The following NLGN1 variants were observed in gnomAD, a reference collection of about 807,000 sequenced individuals.
NLGN1 encodes the protein neuroligin 1, also known as neuroligin-1.
Under a neutral mutation model 65.5 loss-of-function variants are expected in NLGN1, and 12 were observed. That is an observed-to-expected ratio of 0.18 (90% CI 0.12 to 0.30). The LOEUF is 0.30. Ranked by LOEUF, NLGN1 falls within the 10% of genes least tolerant of loss-of-function variation. The pLI is 1.00. For synonymous variants in NLGN1, 350 were observed against 359.5 expected, an observed-to-expected ratio of 0.97 and a Z score of 0.30; for missense variants, 750 against 1,007.1, an observed-to-expected ratio of 0.74 and a Z score of 3.46.
At chr3:173,647,540 G>A (rs1188471475) in intron 3 of NLGN1, among the ~76,000 whole-genome samples, 1 of 152,010 alleles carries the variant, frequency 6.6e-6, no homozygotes, top group Non-Finnish European at 1.5e-5. Context: ...ATAAAAGAAA[G>A]TCTCTGGAAA....
intron 4 of NLGN1, among the ~76,000 whole-genome samples, chr3:173,929,687 T>A (rs1204837389): frequency 6.7e-6 from 1 of 150,300 alleles, no homozygotes; most frequent in African/African-American, 2.4e-5. Context: ...CTTTTTTTTT[T>A]CTTTTTTTCT....
intron 4 of NLGN1, among the ~76,000 whole-genome samples, chr3:174,031,562 A>G (rs1481309812): frequency 6.6e-6 from 1 of 152,168 alleles, no homozygotes; most frequent in Non-Finnish European, 1.5e-5. Context: ...AAAAGATTAT[A>G]ATGGCTCCAA....
intron 4 of NLGN1, among the ~76,000 whole-genome samples, chr3:173,855,030 A>G (rs551308465): frequency 2.0e-5 from 3 of 152,216 alleles, no homozygotes; most frequent in African/African-American, 7.2e-5. Context: ...TTAATGTACC[A>G]TGCCACATTT....
chr3:173,611,219 A>G (rs935314852), intron 3 of NLGN1, among the ~76,000 whole-genome samples: 5 of 152,176 alleles, frequency 3.3e-5, no homozygotes, highest in Non-Finnish European at 7.4e-5. Context: ...CCTATGGTCT[A>G]GACATCATGG....
At chr3:174,291,204 G>A (rs1157394096), downstream of NLGN1, among the ~76,000 whole-genome samples, 1 of 149,256 alleles carries the variant, frequency 6.7e-6, no homozygotes, top group Non-Finnish European at 1.5e-5. Flanking sequence ...GAGGAAGGGA[G>A]AAATAAGAAA....
intron 2 of NLGN1, among the ~76,000 whole-genome samples, chr3:173,515,572 T>C (rs1193849080): frequency 2.6e-5 from 4 of 152,110 alleles, no homozygotes; most frequent in African/African-American, 9.7e-5. Context: ...AAAACCAACG[T>C]CATGAAGTTT....
intron 4 of NLGN1, among the ~76,000 whole-genome samples, chr3:173,900,707 GT>G (rs774706873): frequency 6.6e-6 from 1 of 151,938 alleles, no homozygotes; most frequent in Non-Finnish European, 1.5e-5. Flanking sequence ...GGGGAAGACG[GT>G]CATGCAAAGT....
chr3:173,465,692 T>C (rs1162474983), intron 2 of NLGN1, among the ~76,000 whole-genome samples: 1 of 152,206 alleles, frequency 6.6e-6, no homozygotes, highest in Non-Finnish European at 1.5e-5. Flanking sequence ...AAAAGATGAC[T>C]GTTAAACTTT....
chr3:173,701,505 C>T (rs1010950454), intron 3 of NLGN1, among the ~76,000 whole-genome samples: 3 of 152,124 alleles, frequency 2.0e-5, no homozygotes, highest in Admixed American at 6.5e-5. Flanking sequence ...TAATGTAGCC[C>T]TGCAATACTT....
At chr3:173,579,710 C>T (rs890004284) in intron 2 of NLGN1, among the ~76,000 whole-genome samples, 2 of 152,210 alleles carry the variant, frequency 1.3e-5, no homozygotes, top group African/African-American at 4.8e-5. Context: ...GAAAGAACCT[C>T]TTTGTAAACA....
At chr3:173,997,948 A>T (rs751263550) in intron 4 of NLGN1, among the ~76,000 whole-genome samples, 1 of 152,096 alleles carries the variant, frequency 6.6e-6, no homozygotes, top group Non-Finnish European at 1.5e-5. Context: ...TTCAACAAGC[A>T]TTTGAGCAAG....
intron 4 of NLGN1, among the ~76,000 whole-genome samples, chr3:173,887,212 T>C (rs1191014261): frequency 1.3e-5 from 2 of 152,058 alleles, no homozygotes; most frequent in Non-Finnish European, 2.9e-5. Flanking sequence ...TCTACCTTTC[T>C]TATTTTCAGG....
At chr3:173,867,962 C>T (rs1730506479) in intron 4 of NLGN1, among the ~76,000 whole-genome samples, 1 of 152,080 alleles carries the variant, frequency 6.6e-6, no homozygotes, top group South Asian at 2.1e-4. Context: ...TGGCTTATTG[C>T]CTTTAAAATA....
Position 173,951,738 on chromosome 3 carries a change from G to T in NLGN1, c.646+143906G>T, listed in dbSNP as rs144496403. Among the ~76,000 whole-genome samples the T allele has an allele frequency of 3.2e-3, 485 of 152,174 alleles. 1 individual carries two copies. The highest frequency in any genetic ancestry group is 0.011 in the African/African-American group (456 of 41,532). Reference sequence around the variant, plus strand: ...GACCTCCCAAAGTGCTGGGATTACAGCCATGAGCCACTGCGCCAGGCCGAG... The same window carrying T: ...GACCTCCCAAAGTGCTGGGATTACATCCATGAGCCACTGCGCCAGGCCGAG... On this transcript the variant is annotated intron_variant, in intron 4 of 6. Coordinates refer to ENST00000457714, the Ensembl canonical transcript of NLGN1.
At chr3:174,080,732 G>T (rs1741985866) in intron 4 of NLGN1, among the ~76,000 whole-genome samples, 1 of 151,874 alleles carries the variant, frequency 6.6e-6, no homozygotes, top group South Asian at 2.1e-4. Context: ...ATCTTATCAG[G>T]AGGCTGCTGA....
the NLGN1 span, among the ~76,000 whole-genome samples, chr3:174,292,184 A>G: frequency 6.6e-6 from 1 of 151,320 alleles, no homozygotes; most frequent in Non-Finnish European, 1.5e-5. Context: ...AACTATCAGA[A>G]TGAACACTTT....
chr3:173,713,345 A>G (rs1769307711), intron 3 of NLGN1, among the ~76,000 whole-genome samples: 1 of 152,148 alleles, frequency 6.6e-6, no homozygotes, highest in Non-Finnish European at 1.5e-5. Flanking sequence ...ACAAAGATAC[A>G]TGGCTTCATA....
At chr3:173,609,834 C>T (rs982698692) in intron 3 of NLGN1, among the ~76,000 whole-genome samples, 10 of 151,602 alleles carry the variant, frequency 6.6e-5, no homozygotes, top group Non-Finnish European at 1.5e-4. Flanking sequence ...TATGAAAGAC[C>T]AAGAGTGCTG....
intron 4 of NLGN1, among the ~76,000 whole-genome samples, chr3:174,216,730 T>C (rs1160296902): frequency 1.3e-5 from 2 of 152,092 alleles, no homozygotes; most frequent in African/African-American, 4.8e-5. Flanking sequence ...TGTCAGGTTG[T>C]AATGCTAGGT....
Sources: allele counts gnomAD v4.1 joint callset (sites outside exome capture counted in the v4.1 genomes callset), GRCh38; gene constraint gnomAD v4.1.1; transcripts MANE v1.5; gene names NCBI Gene and HGNC (gene_info 2026-07-23, HGNC 2026-07-21).